AFF3: variants seen among roughly 807,000 people sequenced by gnomAD.
AFF3 encodes the protein AF4/FMR2 family member 3.
A neutral mutation model predicts 129.7 loss-of-function variants in AFF3; 32 were observed. The ratio of observed to expected loss-of-function variants is 0.25; its 90% CI spans 0.19 to 0.33. The LOEUF (loss-of-function observed/expected upper bound fraction) is 0.33, where lower values mean the gene tolerates loss of function less well. Ranked by LOEUF, AFF3 falls within the 10% of genes least tolerant of loss-of-function variation. AFF3 has a pLI of 1.00. For missense variants in AFF3, 1,373 were observed against 1,592.0 expected (o/e 0.86, Z 2.34); for synonymous variants, 644 against 635.4 (o/e 1.01, Z -0.20).
intron 1 of AFF3, among the ~76,000 whole-genome samples, chr2:100,136,800 C>A (rs1223414336): frequency 6.6e-6 from 1 of 152,038 alleles, no homozygotes; most frequent in Non-Finnish European, 1.5e-5. Flanking sequence ...TTAATTTAAT[C>A]TTTTAAAATA....
At chr2:99,878,075 A>G (rs530289594) in intron 7 of AFF3, among the ~76,000 whole-genome samples, 1 of 152,324 alleles carries the variant, frequency 6.6e-6, no homozygotes, top group East Asian at 1.9e-4. Context: ...AACACCTAAC[A>G]GTTAAGTCCT....
chr2:99,799,496 C>T (rs1293170148), intron 8 of AFF3, among the ~76,000 whole-genome samples: 1 of 151,764 alleles, frequency 6.6e-6, no homozygotes, highest in African/African-American at 2.4e-5. Flanking sequence ...AGAGACATAC[C>T]ATGTTCATGA....
chr2:99,649,002 T>C (rs1196134699), intron 13 of AFF3, among the ~76,000 whole-genome samples: 1 of 151,836 alleles, frequency 6.6e-6, no homozygotes. Context: ...GTCTGGTCTA[T>C]TCTAGAAAGT....
chr2:100,070,614 A>AT (rs969571454), intron 4 of AFF3, among the ~76,000 whole-genome samples: 5 of 152,030 alleles, frequency 3.3e-5, no homozygotes, highest in South Asian at 2.1e-4. Flanking sequence ...ATACATGATA[A>AT]TTTTTTTTCC....
At chr2:99,749,323 T>C (rs1016589348) in intron 9 of AFF3, among the ~76,000 whole-genome samples, 4 of 152,250 alleles carry the variant, frequency 2.6e-5, no homozygotes, top group Non-Finnish European at 5.9e-5. Flanking sequence ...TTTGTACTAA[T>C]GATTTAAAGT....
chr2:99,564,610 A>G (rs17022786), intron 20 of AFF3, among the ~76,000 whole-genome samples: 54,817 of 151,950 alleles, frequency 0.36, 13,491 homozygotes, highest in African/African-American at 0.71. Flanking sequence ...TACTGAGGGA[A>G]AGTGGTGTGT....
chr2:99,610,920 T>A (rs1311004073), intron 13 of AFF3, among the ~76,000 whole-genome samples: 1 of 152,246 alleles, frequency 6.6e-6, no homozygotes, highest in Non-Finnish European at 1.5e-5. Context: ...GGAACTCTGA[T>A]GACACCCACG....
intron 8 of AFF3, among the ~76,000 whole-genome samples, chr2:99,776,974 C>A (rs1342118129): frequency 2.0e-5 from 3 of 152,152 alleles, no homozygotes; most frequent in Non-Finnish European, 2.9e-5. Flanking sequence ...GAAGCATGGA[C>A]CCTGCTTTAA....
chr2:99,847,301 G>C (rs1422834581), intron 7 of AFF3, among the ~76,000 whole-genome samples: 2 of 151,818 alleles, frequency 1.3e-5, no homozygotes, highest in East Asian at 3.9e-4. Context: ...TCAGCCTCCA[G>C]AGTAGCTGGG....
chr2:100,026,716 A>AATAT (rs141297271), intron 4 of AFF3, among the ~76,000 whole-genome samples: 4,597 of 145,806 alleles, frequency 0.032, 154 homozygotes, highest in African/African-American at 0.086. Context: ...TATATATATA[A>AATAT]ATATATATAT....
intron 8 of AFF3, among the ~76,000 whole-genome samples, chr2:99,753,731 C>A (rs1361841472): frequency 1.3e-5 from 2 of 152,178 alleles, no homozygotes; most frequent in Middle Eastern, 3.2e-3. Flanking sequence ...TCCCACACCA[C>A]GACACGTGAC....
chr2:99,856,307 T>C (rs368636025), intron 7 of AFF3, among the ~76,000 whole-genome samples: 2 of 152,276 alleles, frequency 1.3e-5, no homozygotes, highest in East Asian at 3.9e-4. Flanking sequence ...TATTACACAA[T>C]ATTCAAAATG....
chr2:99,559,891 G>A (rs907500991), intron 21 of AFF3, among the ~76,000 whole-genome samples: 5 of 152,254 alleles, frequency 3.3e-5, no homozygotes, highest in African/African-American at 1.2e-4. Context: ...ACCTACTGAT[G>A]AGTAAGAAAG....
chr2:99,967,403 A>G (rs1054537596), intron 7 of AFF3, among the ~76,000 whole-genome samples: 1 of 152,030 alleles, frequency 6.6e-6, no homozygotes, highest in Non-Finnish European at 1.5e-5. Flanking sequence ...TTTCCTATGG[A>G]CGTTCCACTG....
intron 11 of AFF3, among the ~76,000 whole-genome samples, chr2:99,706,735 T>G (rs1448684826): frequency 6.6e-6 from 1 of 152,210 alleles, no homozygotes; most frequent in Admixed American, 6.5e-5. Flanking sequence ...TAGGCCGATT[T>G]TTTGTTTTAA....
At chr2:99,981,245 C>T (rs546355408) in intron 7 of AFF3, among the ~76,000 whole-genome samples, 46 of 152,150 alleles carry the variant, frequency 3.0e-4, no homozygotes, top group African/African-American at 1.1e-3. Context: ...CTTGAACTCC[C>T]AACCTCAGGT....
intron 4 of AFF3, among the ~76,000 whole-genome samples, chr2:100,050,125 T>C (rs1248739902): frequency 6.6e-6 from 1 of 151,554 alleles, no homozygotes; most frequent in Non-Finnish European, 1.5e-5. Flanking sequence ...GACAAGAGAA[T>C]TGCTTGAACC....
At chr2:100,062,519 T>C (rs988495711) in intron 4 of AFF3, among the ~76,000 whole-genome samples, 7 of 152,160 alleles carry the variant, frequency 4.6e-5, no homozygotes. Flanking sequence ...TGAGGACATG[T>C]GGTGATCTCA....
At chr2:100,019,943 G>C (rs903719340) in intron 4 of AFF3, among the ~76,000 whole-genome samples, 2 of 152,082 alleles carry the variant, frequency 1.3e-5, no homozygotes, top group Admixed American at 1.3e-4. Flanking sequence ...GGTCTCAATT[G>C]GCTTTTTTGA....
Sources: allele counts gnomAD v4.1 joint callset (sites outside exome capture counted in the v4.1 genomes callset), GRCh38; gene constraint gnomAD v4.1.1; transcripts MANE v1.5; gene names NCBI Gene and HGNC (gene_info 2026-07-23, HGNC 2026-07-21).